Variants in NF1 observed in about 807,000 individuals in gnomAD.
The protein encoded by NF1 is neurofibromin 1.
Under a neutral mutation model 325.7 loss-of-function variants are expected in NF1, and 122 were observed. The observed-to-expected ratio is 0.37, with a 90% CI of 0.32 to 0.44. The LOEUF (loss-of-function observed/expected upper bound fraction) is 0.44. NF1 is among the 20% of genes least tolerant of loss of function. NF1 has a pLI of 1.00. For missense variants in NF1, 2,140 were observed against 3,415.4 expected, an observed-to-expected ratio of 0.63 and a Z score of 9.31; for synonymous variants, 1,091 against 1,186.0, an observed-to-expected ratio of 0.92 and a Z score of 1.65.
intron 33 of NF1, among the ~76,000 whole-genome samples, chr17:31,259,791 T>C (rs148388009): frequency 6.6e-6 from 1 of 152,216 alleles, no homozygotes; most frequent in Non-Finnish European, 1.5e-5. Flanking sequence ...CTGCTTTTCA[T>C]GCAGTGTGAA....
intron 36 of NF1, among the ~76,000 whole-genome samples, chr17:31,284,416 G>C (rs2068184328): frequency 6.6e-6 from 1 of 152,052 alleles, no homozygotes; most frequent in South Asian, 2.1e-4. Context: ...CCGAGTAGCT[G>C]AGATTAAACA....
chr17:31,375,395 G>C lies in NF1; in HGVS notation c.*1240G>C. On this transcript the variant is annotated 3_prime_UTR_variant, in exon 58 of 58. Coordinates refer to ENST00000358273, the MANE Select transcript of NF1 (RefSeq NM_001042492.3). ...GCCTGCATTAGTATGACAGTAGGGGGGCTGTTAGAATTGCTGCTATACTGG... is the reference window on the plus strand; with the variant it reads ...GCCTGCATTAGTATGACAGTAGGGGCGCTGTTAGAATTGCTGCTATACTGG... 2 of 231,422 alleles carry C rather than the reference G, an allele frequency of 8.6e-6. No individual in the cohort carries two copies. The highest frequency in any genetic ancestry group is 1.2e-4 in the East Asian group (2 of 16,190). The allele number at this position is 231,422 out of a possible 1,614,324, so 14.3% of individuals were successfully genotyped here. A position where few individuals can be genotyped will look rare whatever the true frequency, so the allele number is the denominator to read the frequency against.
intron 13 of NF1, among the ~76,000 whole-genome samples, chr17:31,218,728 C>T (rs1221344722): frequency 5.9e-5 from 9 of 152,032 alleles, no homozygotes; most frequent in South Asian, 2.1e-4. Flanking sequence ...CATGCCACCA[C>T]GCCTGGCTAA....
chr17:31,259,805 A>G (rs964364703), intron 33 of NF1, among the ~76,000 whole-genome samples: 1 of 152,232 alleles, frequency 6.6e-6, no homozygotes, highest in African/African-American at 2.4e-5. Context: ...GTGTGAATCT[A>G]ATTGATCCTC....
intron 3 of NF1, among the ~76,000 whole-genome samples, chr17:31,161,317 C>T (rs1162600699): frequency 6.6e-6 from 1 of 152,194 alleles, no homozygotes; most frequent in Non-Finnish European, 1.5e-5. Flanking sequence ...TGTGAATTCA[C>T]AGGTTTTTGT....
At chr17:31,305,090 C>G in intron 36 of NF1, 1 of 1,614,042 alleles carries the variant, frequency 6.2e-7, no homozygotes, top group Non-Finnish European at 8.5e-7. Context: ...GAATTTTTGA[C>G]AGTTGATGTT....
chr17:31,358,377 T>TTAATAA, intron 54 of NF1, 103 bp from the exon 55 acceptor site: 1 of 1,233,378 alleles, frequency 8.1e-7, no homozygotes, highest in East Asian at 2.5e-5. Context: ...CTCCCTTTAA[T>TTAATAA]TTTGGCACAT....
chr17:31,342,954 T>G, intron 47 of NF1, 55 bp from the exon 48 acceptor site: 1 of 1,609,262 alleles, frequency 6.2e-7, no homozygotes, highest in South Asian at 1.1e-5. Context: ...AAGTGAGCCT[T>G]TAAAGAAAGC....
rs566838439 is a variant in NF1 at position 31,271,155 on chromosome 17, G to A, written c.4835+5816G>A. Reference sequence around the variant, plus strand: ...TGCTTGGGTAAATCTTTGTAGATGAGCATGAAAACCTAACCAACAGTTATG... The same window carrying A: ...TGCTTGGGTAAATCTTTGTAGATGAACATGAAAACCTAACCAACAGTTATG... On this transcript the variant is annotated intron_variant, in intron 36 of 57. Transcript: ENST00000358273. Among the ~76,000 whole-genome samples, 68 of 152,320 alleles carry A rather than the reference G, an allele frequency of 4.5e-4. 1 individual carries two copies. In the South Asian group the frequency reaches 4.8e-3, roughly 11 times the overall value.
At chr17:31,360,748 A>G (rs749945568) in intron 57 of NF1, 45 bp downstream of exon 57, 1 of 1,504,696 alleles carries the variant, frequency 6.6e-7, no homozygotes, top group Admixed American at 1.7e-5. Flanking sequence ...ACAATATAAG[A>G]CACCAACATT....
intron 5 of NF1, among the ~76,000 whole-genome samples, chr17:31,176,030 A>G (rs904063443): frequency 6.6e-6 from 1 of 152,182 alleles, no homozygotes; most frequent in African/African-American, 2.4e-5. Context: ...TCCTTTGGGT[A>G]TATACCCAGT....
At chr17:31,242,063 T>C (rs2151443811) in intron 29 of NF1, among the ~76,000 whole-genome samples, 1 of 151,958 alleles carries the variant, frequency 6.6e-6, no homozygotes, top group South Asian at 2.1e-4. Flanking sequence ...GTCATGCCAC[T>C]CTCTCCTGGC....
chr17:31,304,866 T>A (rs745805113), intron 36 of NF1: 4 of 1,614,034 alleles, frequency 2.5e-6, no homozygotes, highest in South Asian at 1.1e-5. Context: ...TGTCAGGGGT[T>A]TCTCCATCAG....
intron 1 of NF1, among the ~76,000 whole-genome samples, chr17:31,145,093 C>CTAGG (rs1169610496): frequency 1.3e-5 from 2 of 152,208 alleles, no homozygotes; most frequent in Non-Finnish European, 2.9e-5. Flanking sequence ...GGCCCTCTTG[C>CTAGG]TAGGCTTTGA....
At chr17:31,316,410 G>A (rs1357934358) in intron 36 of NF1, among the ~76,000 whole-genome samples, 2 of 152,148 alleles carry the variant, frequency 1.3e-5, no homozygotes, top group Non-Finnish European at 2.9e-5. Context: ...GATAGTGAGT[G>A]GTGAATTTTA....
At chr17:31,216,621 G>T (rs2066823679) in intron 13 of NF1, among the ~76,000 whole-genome samples, 1 of 151,910 alleles carries the variant, frequency 6.6e-6, no homozygotes, top group Non-Finnish European at 1.5e-5. Context: ...TGAAGTTATG[G>T]CAGTCTCTTT....
chr17:31,140,354 G>T (rs1282947388), intron 1 of NF1, among the ~76,000 whole-genome samples: 3 of 152,158 alleles, frequency 2.0e-5, no homozygotes. Context: ...ATTCAATGAG[G>T]TGTATAATGT....
chr17:31,175,631 C>T (rs1338714071), intron 5 of NF1, among the ~76,000 whole-genome samples: 3 of 152,088 alleles, frequency 2.0e-5, no homozygotes, highest in African/African-American at 4.8e-5. Context: ...CACCCATCAA[C>T]GCATCATCTA....
intron 36 of NF1, chr17:31,295,709 T>A: frequency 6.2e-7 from 1 of 1,614,142 alleles, no homozygotes; most frequent in Non-Finnish European, 8.5e-7. Flanking sequence ...AAAAGATTGG[T>A]CTGGAATGAA....
Sources: gnomAD v4.1 joint callset for allele counts (sites outside exome capture counted in the v4.1 genomes callset) on GRCh38, gnomAD v4.1.1 for gene constraint, MANE v1.5 for transcripts, NCBI Gene and HGNC (gene_info 2026-07-23, HGNC 2026-07-21) for gene names.